AFG2A: variants seen among roughly 807,000 people sequenced by gnomAD.
AFG2A encodes the protein AAA ATPase AFG2A.
At chr4:123,266,245 T>C in the AFG2A span, among the ~76,000 whole-genome samples, 3 of 152,022 alleles carry the variant, frequency 2.0e-5, no homozygotes, top group Non-Finnish European at 4.4e-5. Context: ...ATGAGAAAGC[T>C]GTGAACCCAA....
At chr4:123,022,258 G>A in the AFG2A span, among the ~76,000 whole-genome samples, 5 of 151,862 alleles carry the variant, frequency 3.3e-5, no homozygotes, top group Non-Finnish European at 7.4e-5. Context: ...GCAACCTACA[G>A]AATGGGAGAA....
At chr4:123,057,187 A>G in the AFG2A span, 1 of 1,613,062 alleles carries the variant, frequency 6.2e-7, no homozygotes, top group South Asian at 1.1e-5. Flanking sequence ...ATCTTTAGCT[A>G]ATGTGGCACT....
At chr4:123,303,575 G>A in the AFG2A span, among the ~76,000 whole-genome samples, 4 of 152,062 alleles carry the variant, frequency 2.6e-5, no homozygotes, top group African/African-American at 9.7e-5. Flanking sequence ...GACCAGCCTG[G>A]ACAACATGGT....
At chr4:123,208,935 G>A in the AFG2A span, among the ~76,000 whole-genome samples, 1 of 152,292 alleles carries the variant, frequency 6.6e-6, no homozygotes, top group East Asian at 1.9e-4. Context: ...TCAGGGTGGG[G>A]TCACAGGAGA....
the AFG2A span, among the ~76,000 whole-genome samples, chr4:122,957,130 G>C: frequency 6.6e-6 from 1 of 152,034 alleles, no homozygotes; most frequent in Admixed American, 6.6e-5. Flanking sequence ...AGAAAAAGAA[G>C]GATAGGAAGA....
chr4:123,211,119 C>T, the AFG2A span, among the ~76,000 whole-genome samples: 2 of 152,142 alleles, frequency 1.3e-5, no homozygotes, highest in Non-Finnish European at 2.9e-5. Context: ...GAATTGTACT[C>T]AGAAGATAAA....
At chr4:123,101,149 G>A in the AFG2A span, among the ~76,000 whole-genome samples, 1 of 151,786 alleles carries the variant, frequency 6.6e-6, no homozygotes, top group Admixed American at 6.6e-5. Flanking sequence ...TTGAAAAATT[G>A]TTTAAAGTAT....
chr4:123,196,245 G>A, the AFG2A span, among the ~76,000 whole-genome samples: 15 of 140,104 alleles, frequency 1.1e-4, no homozygotes, highest in East Asian at 8.6e-4. Flanking sequence ...TCCTGACCTC[G>A]TGATCCGCCC....
chr4:123,074,120 G>A, the AFG2A span, among the ~76,000 whole-genome samples: 2 of 27,560 alleles, frequency 7.3e-5, no homozygotes, highest in South Asian at 2.4e-3. Context: ...TTGAGGCAGA[G>A]TCTCGCTCTG....
the AFG2A span, among the ~76,000 whole-genome samples, chr4:123,197,244 A>G: frequency 6.6e-6 from 1 of 152,222 alleles, no homozygotes; most frequent in African/African-American, 2.4e-5. Flanking sequence ...GTTTGTTTAA[A>G]TAATGTGAAT....
chr4:123,038,392 A>G, the AFG2A span, among the ~76,000 whole-genome samples: 3 of 152,092 alleles, frequency 2.0e-5, no homozygotes, highest in Non-Finnish European at 4.4e-5. Context: ...TTGACCTCAA[A>G]TGGAGCAAAA....
At chr4:123,206,891 C>G in the AFG2A span, among the ~76,000 whole-genome samples, 1 of 152,070 alleles carries the variant, frequency 6.6e-6, no homozygotes, top group African/African-American at 2.4e-5. Context: ...CGAAAAGTAT[C>G]AAGAAGTTTG....
chr4:123,002,030 G>A, the AFG2A span, among the ~76,000 whole-genome samples: 1 of 152,166 alleles, frequency 6.6e-6, no homozygotes, highest in Non-Finnish European at 1.5e-5. Context: ...AGCTCTTCTT[G>A]TTGAATTGAT....
chr4:123,168,747 T>C, the AFG2A span, among the ~76,000 whole-genome samples: 1 of 152,248 alleles, frequency 6.6e-6, no homozygotes, highest in African/African-American at 2.4e-5. Flanking sequence ...GATTATTTTG[T>C]TGTATACTAA....
At chr4:123,272,518 A>G in the AFG2A span, among the ~76,000 whole-genome samples, 11 of 152,166 alleles carry the variant, frequency 7.2e-5, no homozygotes, top group East Asian at 3.8e-4. Flanking sequence ...AGCAGTTTCT[A>G]TGATTCTCAG....
At chr4:123,146,236 C>A in the AFG2A span, among the ~76,000 whole-genome samples, 1 of 151,842 alleles carries the variant, frequency 6.6e-6, no homozygotes, top group East Asian at 1.9e-4. Flanking sequence ...CTGAAAAGCA[C>A]CAGGCAAGAA....
the AFG2A span, among the ~76,000 whole-genome samples, chr4:123,193,914 A>G: frequency 6.6e-6 from 1 of 152,180 alleles, no homozygotes; most frequent in Non-Finnish European, 1.5e-5. Context: ...TTAAGACAAG[A>G]GGGCTTTAAA....
chr4:123,265,963 G>A, the AFG2A span, among the ~76,000 whole-genome samples: 2 of 151,944 alleles, frequency 1.3e-5, no homozygotes, highest in African/African-American at 4.8e-5. Context: ...CTTCAGAAGA[G>A]TGATAAAATG....
the AFG2A span, among the ~76,000 whole-genome samples, chr4:122,948,589 G>A: frequency 6.6e-6 from 1 of 152,000 alleles, no homozygotes; most frequent in Non-Finnish European, 1.5e-5. Flanking sequence ...AACTTCAGTG[G>A]GATGGTACCA....
Sources: gnomAD v4.1 joint callset for allele counts (sites outside exome capture counted in the v4.1 genomes callset) on GRCh38, gnomAD v4.1.1 for gene constraint, MANE v1.5 for transcripts, NCBI Gene and HGNC (gene_info 2026-07-23, HGNC 2026-07-21) for gene names.